Variants in ADAMTSL1 observed in about 807,000 individuals in gnomAD.
ADAMTSL1 encodes ADAMTS-like protein 1.
Under a neutral mutation model 201.8 loss-of-function variants are expected in ADAMTSL1, and 126 were observed. The ratio of observed to expected loss-of-function variants is 0.62; its 90% confidence interval spans 0.54 to 0.72. The LOEUF is 0.72. Ranked by LOEUF, ADAMTSL1 falls within the 30% of genes least tolerant of loss-of-function variation. The pLI is 0.00. For synonymous variants in ADAMTSL1, 1,121 were observed against 903.4 expected, an observed-to-expected ratio of 1.24 and a Z score of -4.32; for missense variants, 2,679 against 2,277.8, an observed-to-expected ratio of 1.18 and a Z score of -3.59.
At chr9:18,231,722 A>G (rs1459880979) in intron 2 of ADAMTSL1, among the ~76,000 whole-genome samples, 2 of 152,172 alleles carry the variant, frequency 1.3e-5, no homozygotes, top group African/African-American at 4.8e-5. Flanking sequence ...AGGAATCTCC[A>G]ACTTACGTGA....
At chr9:18,615,078 T>C (rs1010773789) in intron 4 of ADAMTSL1, among the ~76,000 whole-genome samples, 5 of 152,232 alleles carry the variant, frequency 3.3e-5, no homozygotes, top group South Asian at 2.1e-4. Context: ...GGTGACCTTA[T>C]GTAGTTTTAT....
intron 2 of ADAMTSL1, among the ~76,000 whole-genome samples, chr9:18,223,780 A>G (rs568845007): frequency 1.3e-5 from 2 of 152,042 alleles, no homozygotes; most frequent in East Asian, 1.9e-4. Flanking sequence ...TCTCTCACCC[A>G]TGGTAGCTTG....
intron 2 of ADAMTSL1, among the ~76,000 whole-genome samples, chr9:18,376,781 G>C (rs1043000960): frequency 2.0e-5 from 3 of 152,136 alleles, no homozygotes; most frequent in Non-Finnish European, 2.9e-5. Flanking sequence ...ACTCCAGCCT[G>C]GGCGACAGAA....
At chr9:18,740,982 C>G (rs1462866558) in intron 15 of ADAMTSL1, among the ~76,000 whole-genome samples, 4 of 152,138 alleles carry the variant, frequency 2.6e-5, no homozygotes, top group East Asian at 3.8e-4. Context: ...TCATTCCTCT[C>G]AACTCCCAAT....
Position 18,898,904 on chromosome 9 carries a change from C to G in ADAMTSL1, c.4851+6308C>G, listed in dbSNP as rs139033270. Among the ~76,000 whole-genome samples, 1,072 of 152,210 alleles carry G rather than the reference C, an allele frequency of 7.0e-3. 17 individuals carry two copies. The highest frequency in any genetic ancestry group is 0.024 in the African/African-American group (1,003 of 41,524). The stretch of plus-strand genomic sequence containing the variant: ...GAAAACCAGCACAAGACAAGGATGC[C>G]CTCTCTCACCACTCCTAGGCAATGT... On this transcript the variant is annotated intron_variant, in intron 26 of 28. Transcript: ENST00000380548.
rs145103369 is a variant in ADAMTSL1 at position 18,458,517 on chromosome 9, C to G, written c.208-46312C>G. 2.4e-3 allele frequency among the ~76,000 whole-genome samples: 371 copies of G among 152,292 alleles called. 1 individual carries two copies. The highest frequency in any genetic ancestry group is 8.3e-3 in the African/African-American group (346 of 41,556). On this transcript the variant is annotated intron_variant, in intron 2 of 29. Transcript: ENST00000680146. ...GAACAGTTTACCCAGTTTGCCCTAA[C>G]CTTCCATAGACTTAGGTGTCTTCCT...
chr9:18,066,993 G>C (rs370020525), intron 1 of ADAMTSL1, among the ~76,000 whole-genome samples: 11 of 152,114 alleles, frequency 7.2e-5, no homozygotes, highest in South Asian at 2.1e-4. Context: ...GTTGTGGGGT[G>C]GGGGGAGAGA....
chr9:18,200,411 G>T (rs1237433850), intron 2 of ADAMTSL1, among the ~76,000 whole-genome samples: 2 of 152,018 alleles, frequency 1.3e-5, no homozygotes, highest in Non-Finnish European at 2.9e-5. Flanking sequence ...AAATACCAAA[G>T]GGATTATTAT....
chr9:18,837,426 C>T (rs1825381053), intron 23 of ADAMTSL1, among the ~76,000 whole-genome samples: 1 of 152,152 alleles, frequency 6.6e-6, no homozygotes, highest in East Asian at 1.9e-4. Flanking sequence ...GGGTATATTT[C>T]TAGATCTCTA....
chr9:18,308,597 A>T (rs1396003977), intron 2 of ADAMTSL1, among the ~76,000 whole-genome samples: 2 of 150,140 alleles, frequency 1.3e-5, no homozygotes, highest in Non-Finnish European at 2.9e-5. Flanking sequence ...GAAGAAATGG[A>T]TACATTCCTG....
intron 2 of ADAMTSL1, among the ~76,000 whole-genome samples, chr9:18,181,473 G>A (rs1177607243): frequency 2.0e-4 from 31 of 151,886 alleles, no homozygotes; most frequent in South Asian, 1.0e-3. Context: ...AAAAGTGGGC[G>A]AAGGATATGA....
intron 19 of ADAMTSL1, among the ~76,000 whole-genome samples, chr9:18,784,741 C>G (rs1291235493): frequency 1.3e-5 from 2 of 152,208 alleles, no homozygotes; most frequent in Non-Finnish European, 2.9e-5. Context: ...TTATAGAGCA[C>G]TTACAATGGG....
At chr9:18,858,033 C>T (rs1826973525) in intron 23 of ADAMTSL1, among the ~76,000 whole-genome samples, 1 of 127,198 alleles carries the variant, frequency 7.9e-6, no homozygotes, top group African/African-American at 3.3e-5. Context: ...TGTGTCACTG[C>T]TCTCAGTACC....
chr9:18,095,355 AG>A (rs1824199174), intron 1 of ADAMTSL1, among the ~76,000 whole-genome samples: 1 of 151,802 alleles, frequency 6.6e-6, no homozygotes, highest in African/African-American at 2.4e-5. Context: ...CAAATTGGCC[AG>A]GGAATGACTC....
At chr9:18,555,263 C>A (rs1262167490) in intron 3 of ADAMTSL1, among the ~76,000 whole-genome samples, 2 of 152,020 alleles carry the variant, frequency 1.3e-5, no homozygotes, top group African/African-American at 2.4e-5. Context: ...TTCAACACCA[C>A]CAGAAACTGG....
intron 1 of ADAMTSL1, among the ~76,000 whole-genome samples, chr9:17,942,444 CAG>C (rs1827277117): frequency 6.6e-6 from 1 of 152,106 alleles, no homozygotes. Context: ...AGATGTGACA[CAG>C]GGAACAGCAT....
At position 18,099,351 on chromosome 9, in the gene ADAMTSL1, ATATATTTTTTTTTT is replaced by A. The variant is rs1279545047; in HGVS notation, c.88-64509_88-64496del. 1.7e-4 allele frequency among the ~76,000 whole-genome samples: 9 copies of A among 52,624 alleles called. 1 individual carries two copies. Among genetic ancestry groups the A allele is most frequent in the African/African-American group, 7.3e-4 (9 of 12,388 alleles). 34.5% of individuals were successfully genotyped at this position (52,624 alleles called of 152,430 possible). A position where few individuals can be genotyped will look rare whatever the true frequency, so the allele number is the denominator to read the frequency against. On this transcript the variant is annotated intron_variant, in intron 1 of 29. Coordinates refer to the ADAMTSL1 transcript ENST00000680146. ...AATATATATATATATATATATATAT[ATATATTTTTTTTTT>A]TTTTTTTAACATCCATTAATTTTAC...
At chr9:18,165,971 T>C (rs149555672) in intron 2 of ADAMTSL1, among the ~76,000 whole-genome samples, 9 of 151,868 alleles carry the variant, frequency 5.9e-5, no homozygotes, top group Non-Finnish European at 5.9e-5. Context: ...TGAGTTTCTG[T>C]CTTATTGGGA....
intron 3 of ADAMTSL1, among the ~76,000 whole-genome samples, chr9:18,566,644 A>T (rs1821915615): frequency 6.6e-6 from 1 of 152,178 alleles, no homozygotes; most frequent in South Asian, 2.1e-4. Context: ...TAATGCATGC[A>T]TCCTAAAGTA....
Sources: allele counts gnomAD v4.1 joint callset (sites outside exome capture counted in the v4.1 genomes callset), GRCh38; gene constraint gnomAD v4.1.1; transcripts MANE v1.5; gene names NCBI Gene and HGNC (gene_info 2026-07-23, HGNC 2026-07-21).